The following RILPL1 variants were observed in gnomAD, a reference collection of about 807,000 sequenced individuals.
RILPL1 encodes the protein Rab interacting lysosomal protein like 1, also known as RILP-like protein 1.
RILPL1 carries 33 observed loss-of-function variants against 50.3 expected under a neutral mutation model. That is an observed-to-expected ratio of 0.66 (90% CI 0.50 to 0.88). RILPL1 has a LOEUF of 0.88. RILPL1 is among the 40% of genes least tolerant of loss of function. The pLI, the probability that RILPL1 is intolerant of heterozygous loss-of-function variation, is 0.00. For synonymous variants in RILPL1, 205 were observed against 228.6 expected (o/e 0.90, Z 0.93); for missense variants, 418 against 542.5 (o/e 0.77, Z 2.28).
intron 2 of RILPL1, among the ~76,000 whole-genome samples, chr12:123,504,362 G>A (rs774698294): frequency 4.6e-5 from 7 of 152,032 alleles, no homozygotes; most frequent in African/African-American, 7.3e-5. Context: ...CCTTGCCGCT[G>A]ACCTCCTCTC....
chr12:123,497,904 A>G (rs1213651923), intron 4 of RILPL1, among the ~76,000 whole-genome samples: 1 of 152,164 alleles, frequency 6.6e-6, no homozygotes, highest in Non-Finnish European at 1.5e-5. Context: ...ATATGTGCCT[A>G]GGAGTGGAAT....
chr12:123,481,601 A>C (rs947213457), intron 6 of RILPL1, among the ~76,000 whole-genome samples: 1 of 151,574 alleles, frequency 6.6e-6, no homozygotes, highest in Non-Finnish European at 1.5e-5. Context: ...TTGTTGCCCA[A>C]ACTGGAGTGC....
intron 5 of RILPL1, chr12:123,484,918 C>T: frequency 3.7e-6 from 1 of 273,784 alleles, no homozygotes; most frequent in Non-Finnish European, 7.5e-6. Flanking sequence ...CTCGGCCTCG[C>T]AAAGTGCTGG....
At chr12:123,521,641 GTA>G (rs1366891427) in intron 2 of RILPL1, among the ~76,000 whole-genome samples, 1 of 13,774 alleles carries the variant, frequency 7.3e-5, no homozygotes, top group African/African-American at 1.9e-4. Flanking sequence ...ACACATATGT[GTA>G]TATATATACA....
At chr12:123,517,421 ATTG>A (rs1305482996) in intron 2 of RILPL1, among the ~76,000 whole-genome samples, 2 of 123,886 alleles carry the variant, frequency 1.6e-5, no homozygotes, top group East Asian at 2.2e-4. Context: ...TTTTGTTGTT[ATTG>A]TTTTTTTTTT....
chr12:123,488,205 G>A (rs1189327408), intron 4 of RILPL1, among the ~76,000 whole-genome samples: 9 of 152,106 alleles, frequency 5.9e-5, no homozygotes, highest in African/African-American at 1.9e-4. Flanking sequence ...TTGGGAGGCT[G>A]AGGCAGGAGG....
At chr12:123,478,476 C>T (rs779961674) in intron 6 of RILPL1, among the ~76,000 whole-genome samples, 13 of 151,918 alleles carry the variant, frequency 8.6e-5, no homozygotes, top group Admixed American at 3.3e-4. Flanking sequence ...CCCCGCTCCC[C>T]GCCAAATATT....
chr12:123,510,728 G>C (rs1267377807), intron 2 of RILPL1, among the ~76,000 whole-genome samples: 2 of 121,090 alleles, frequency 1.7e-5, no homozygotes, highest in Admixed American at 8.2e-5. Flanking sequence ...TGTGAGGTCT[G>C]TGTCTGGTGT....
chr12:123,525,944 C>A (rs1484339605), intron 1 of RILPL1, among the ~76,000 whole-genome samples: 1 of 146,592 alleles, frequency 6.8e-6, no homozygotes, highest in African/African-American at 2.6e-5. Flanking sequence ...AACAAACAAA[C>A]AAAAAAACGG....
intron 4 of RILPL1, among the ~76,000 whole-genome samples, chr12:123,494,799 G>C (rs1593553828): frequency 6.6e-6 from 1 of 152,164 alleles, no homozygotes; most frequent in Non-Finnish European, 1.5e-5. Flanking sequence ...CTCCTTCCCT[G>C]TCCTCCAGTG....
intron 2 of RILPL1, chr12:123,519,979 C>T (rs1350850837): frequency 6.6e-6 from 1 of 152,344 alleles, no homozygotes; most frequent in African/African-American, 2.4e-5. Context: ...AGGGAAGCGG[C>T]TCAGAGCCCT....
intron 1 of RILPL1, among the ~76,000 whole-genome samples, chr12:123,524,211 T>C (rs557465196): frequency 1.3e-5 from 2 of 152,208 alleles, no homozygotes; most frequent in Admixed American, 6.5e-5. Flanking sequence ...GCTCACGAAG[T>C]GAATGTGAGG....
rs971448227 is a variant in RILPL1 at position 123,533,066 on chromosome 12, C to T, written c.309+108G>A. 3 of 1,218,498 alleles carry T rather than the reference C, an allele frequency of 2.5e-6. No individual in the cohort carries two copies. Among genetic ancestry groups the T allele is most frequent in the Non-Finnish European group, 3.4e-6 (3 of 894,720 alleles). The allele number at this position is 1,218,498 out of a possible 1,614,324, so 75.5% of individuals were successfully genotyped here. On this transcript the variant is annotated intron_variant, in intron 1 of 6. Transcript: ENST00000376874. The surrounding 1 kb of genome is among the most constrained non-coding windows in gnomAD (Gnocchi z 6.2). The stretch of plus-strand genomic sequence containing the variant: ...TCCCCACGTCGGGTCTCCTCTGGTC[C>T]GGTCCCTGAACACACACACGTGCGC...
intron 2 of RILPL1, among the ~76,000 whole-genome samples, chr12:123,500,396 A>T (rs1332164535): frequency 2.3e-4 from 33 of 140,536 alleles, no homozygotes; most frequent in African/African-American, 8.3e-4. Context: ...TGATCTTCCC[A>T]CCTCAGCCTC....
intron 4 of RILPL1, among the ~76,000 whole-genome samples, chr12:123,487,278 T>C (rs1259905531): frequency 6.6e-6 from 1 of 151,470 alleles, no homozygotes; most frequent in African/African-American, 2.4e-5. Context: ...CCAAGGTTCA[T>C]CCACGTTGCA....
At position 123,485,802 on chromosome 12, in the gene RILPL1, C is replaced by G; in HGVS notation, c.805G>C (p.Glu269Gln). The G allele has an allele frequency of 1.2e-6, 2 of 1,605,578 alleles. No individual in the cohort carries two copies. Among genetic ancestry groups the G allele is most frequent in the South Asian group, 1.1e-5 (1 of 90,318 alleles). Residue 269 changes from glutamate to glutamine, a missense_variant, in exon 5 of 7, where the codon GAG becomes CAG. By Grantham distance (29) the Glu-to-Gln change is conservative. Transcript: ENST00000376874. This position sits in a 1 kb window ranked among gnomAD's most constrained non-coding sequence, Gnocchi z 4.0. ...SQNGEEEPET[E>Q]PVGEESISDA... ...GAGATGCTCTCCTCTCCCACCGGCTCCGTCTGGAGGAGGCAGAGATGCTGC... is the reference window on the plus strand; with the variant it reads ...GAGATGCTCTCCTCTCCCACCGGCTGCGTCTGGAGGAGGCAGAGATGCTGC...
chr12:123,525,999 TGTC>T (rs1885240098), intron 1 of RILPL1, among the ~76,000 whole-genome samples: 2 of 152,132 alleles, frequency 1.3e-5, no homozygotes, highest in African/African-American at 4.8e-5. Context: ...GGGTTGCTGT[TGTC>T]TGTATAAAAC....
At chr12:123,507,466 G>A (rs539886991) in intron 2 of RILPL1, among the ~76,000 whole-genome samples, 1 of 151,686 alleles carries the variant, frequency 6.6e-6, no homozygotes, top group South Asian at 2.1e-4. Context: ...TCAAGAGGCT[G>A]AAGCAAGAAG....
rs1281885471 is a variant in RILPL1, at chr12:123,522,926, A to G, written c.460+569T>C. Among the ~76,000 whole-genome samples, 2 of 152,046 alleles carry G rather than the reference A, an allele frequency of 1.3e-5. No homozygotes were observed. The highest frequency in any genetic ancestry group is 2.4e-5 in the African/African-American group (1 of 41,394). ...CCTTCTTGGTTTCCCCCAAATGCTC[A>G]TGTCCCAGGGCCTTTGCATGACTGC... On this transcript the variant is annotated intron_variant, in intron 2 of 6. Coordinates refer to ENST00000376874, the MANE Select transcript of RILPL1 (RefSeq NM_178314.5). This position sits in a 1 kb window ranked among gnomAD's most constrained non-coding sequence, Gnocchi z 4.0.
Sources: allele counts gnomAD v4.1 joint callset (sites outside exome capture counted in the v4.1 genomes callset), GRCh38; gene constraint gnomAD v4.1.1; non-coding constraint Gnocchi (gnomAD v3.1); transcripts MANE v1.5; gene names NCBI Gene and HGNC (gene_info 2026-07-23, HGNC 2026-07-21).